Variants in GRIK5 observed in about 807,000 individuals in gnomAD.
The protein encoded by GRIK5 is glutamate receptor ionotropic, kainate 5.
In GRIK5, 43 loss-of-function variants were observed where a neutral mutation model predicts 97.4. The observed-to-expected ratio is 0.44, with a 90% confidence interval of 0.35 to 0.57. The LOEUF (loss-of-function observed/expected upper bound fraction) is 0.57. Among genes scored for constraint, GRIK5 ranks in the 20% least tolerant of loss-of-function variants. The pLI is 0.01. For synonymous variants in GRIK5, 580 were observed against 583.5 expected, an observed-to-expected ratio of 0.99 and a Z score of 0.09; for missense variants, 1,015 against 1,382.0, an observed-to-expected ratio of 0.73 and a Z score of 4.21.
In GRIK5 at chr19:42,008,301, G is replaced by T. The variant is rs1171684596; in HGVS notation, c.1872-1491C>A. Among the ~76,000 whole-genome samples the T allele has an allele frequency of 3.3e-5, 5 of 152,212 alleles. No individual in the cohort carries two copies. In the East Asian group the frequency reaches 9.8e-4, roughly 30 times the overall value. On this transcript the variant is annotated intron_variant, in intron 15 of 19. Coordinates refer to ENST00000593562, the MANE Select transcript of GRIK5 (RefSeq NM_002088.5). Reference sequence around the variant, plus strand: ...CAAGGTGCTGGGATTACAGGCATGAGCCACTGTGCCCGGCCTATTACATAA... The same window carrying T: ...CAAGGTGCTGGGATTACAGGCATGATCCACTGTGCCCGGCCTATTACATAA...
chr19:42,005,798 G>A lies in GRIK5; in HGVS notation c.2188C>T (p.Arg730Trp). The change falls in exon 17 of 20, where the codon CGG (arginine) becomes TGG (tryptophan). Residue 730 changes from arginine to tryptophan, a missense_variant. Arg to Trp is a moderately radical substitution (Grantham distance 101, BLOSUM62 -3). This residue lies in a region of GRIK5 where 229 missense variants were observed against 341.0 expected (regional missense o/e 0.67). Coordinates refer to ENST00000593562, the MANE Select transcript of GRIK5 (RefSeq NM_002088.5). ...LLESTMNEYH[R>W]RLNCNLTQIG... is the part of the protein sequence containing the mutation. ...TGGGTGAGGTTGCAGTTGAGGCGCCGGTGGTATTCGTTCATGGTGGACTCG... is the reference window on the plus strand; with the variant it reads ...TGGGTGAGGTTGCAGTTGAGGCGCCAGTGGTATTCGTTCATGGTGGACTCG... 3 of 1,614,094 alleles carry A rather than the reference G, an allele frequency of 1.9e-6. No homozygotes were observed. Among genetic ancestry groups the A allele is most frequent in the African/African-American group, 1.3e-5 (1 of 75,062 alleles).
chr19:42,029,411 C>T (rs1357641529), intron 12 of GRIK5, among the ~76,000 whole-genome samples: 1 of 151,668 alleles, frequency 6.6e-6, no homozygotes, highest in Non-Finnish European at 1.5e-5. Flanking sequence ...TGTTTGAGAC[C>T]AGCCTAGCCA....
In GRIK5 at chr19:42,009,470, T is replaced by TAA. The variant is rs77770415; in HGVS notation, c.1872-2662_1872-2661dup. ...GTTGGCCAGGCTGAGACCTTATCTT[T>TAA]AAAAAAAAAAAAAAAGGCTGGGCGC... On this transcript the variant is annotated intron_variant, in intron 15 of 19. Transcript: ENST00000593562. Among the ~76,000 whole-genome samples, 1,162 of 131,640 alleles carry TAA rather than the reference T, an allele frequency of 8.8e-3. 18 individuals carry two copies. The highest frequency in any genetic ancestry group is 0.031 in the African/African-American group (1,104 of 35,678). The allele number at this position is 131,640 out of a possible 152,430, so 86.4% of individuals were successfully genotyped here. A position where few individuals can be genotyped will look rare whatever the true frequency, so the allele number is the denominator to read the frequency against.
Position 42,021,232 on chromosome 19 carries a change from C to T in GRIK5, c.1871+69G>A. 1 of 1,306,892 alleles carries T rather than the reference C, an allele frequency of 7.7e-7. No homozygotes were observed. Among genetic ancestry groups the T allele is most frequent in the Admixed American group, 2.1e-5 (1 of 47,962 alleles). The allele number at this position is 1,306,892 out of a possible 1,614,324, so 81.0% of individuals were successfully genotyped here. A position where few individuals can be genotyped will look rare whatever the true frequency, so the allele number is the denominator to read the frequency against. On this transcript the variant is annotated intron_variant, in intron 15 of 19. Coordinates refer to ENST00000593562, the MANE Select transcript of GRIK5 (RefSeq NM_002088.5). The surrounding 1 kb of genome is among the most constrained non-coding windows in gnomAD (Gnocchi z 4.2). ...AAATCTTCCAGGAGATGCCACAGCC[C>T]CAACCCCATCCAGGCCTCAGATGGG...
intron 12 of GRIK5, among the ~76,000 whole-genome samples, chr19:42,041,327 C>T (rs1167499290): frequency 1.3e-5 from 2 of 152,172 alleles, no homozygotes; most frequent in South Asian, 2.1e-4. Context: ...TGGGAGTGTC[C>T]TAATCAGGGG....
rs1568933713 is a variant in GRIK5, at chr19:42,065,122, C to T, written c.244+101G>A. ...AACACAAAGAAGGGGGAGGATGGAG[C>T]TAGAAGAGGACAAGGCCAGGCCAGA... On this transcript the variant is annotated intron_variant, in intron 3 of 19. Coordinates refer to ENST00000593562, the MANE Select transcript of GRIK5 (RefSeq NM_002088.5). This position sits in a 1 kb window ranked among gnomAD's most constrained non-coding sequence, Gnocchi z 5.8. 12 of 994,404 alleles carry T rather than the reference C, an allele frequency of 1.2e-5. No homozygotes were observed. The East Asian group carries it at 2.9e-4, about 24-fold the overall frequency. 61.6% of individuals were successfully genotyped at this position (994,404 alleles called of 1,614,324 possible).
In GRIK5 at chr19:42,024,214, C is replaced by CT. The variant is rs1186656185; in HGVS notation, c.1474-1861dup. Reference sequence around the variant, plus strand: ...GTCTCTCTCACATTCCCCATTGGCCCTTTTTTTTTTTTTTTTGAGATGGAG... The same window carrying CT: ...GTCTCTCTCACATTCCCCATTGGCCCTTTTTTTTTTTTTTTTTGAGATGGAG... On this transcript the variant is annotated intron_variant, in intron 12 of 19. Coordinates refer to ENST00000593562, the MANE Select transcript of GRIK5 (RefSeq NM_002088.5). Among the ~76,000 whole-genome samples, 801 of 141,126 alleles carry CT rather than the reference C, an allele frequency of 5.7e-3. 8 individuals carry two copies. Among genetic ancestry groups the CT allele is most frequent in the African/African-American group, 0.013 (505 of 38,558 alleles). The allele number at this position is 141,126 out of a possible 152,430, so 92.6% of individuals were successfully genotyped here.
intron 1 of GRIK5, chr19:42,068,910 C>A: frequency 1.5e-6 from 1 of 681,306 alleles, no homozygotes. Flanking sequence ...CAGTCTGGGA[C>A]CAGGACGGAG....
chr19:42,025,381 T>C (rs575583580), intron 12 of GRIK5, among the ~76,000 whole-genome samples: 4 of 152,222 alleles, frequency 2.6e-5, no homozygotes, highest in South Asian at 4.1e-4. Context: ...GGTCGCTCCA[T>C]GGCTGGGGGT....
chr19:42,040,206 A>T (rs1038893517), intron 12 of GRIK5, among the ~76,000 whole-genome samples: 2 of 152,156 alleles, frequency 1.3e-5, no homozygotes, highest in Admixed American at 1.3e-4. Context: ...CCAACCACAG[A>T]CACTCTCAGC....
chr19:42,058,268 C>G (rs1253662958), intron 6 of GRIK5, among the ~76,000 whole-genome samples: 1 of 152,020 alleles, frequency 6.6e-6, no homozygotes, highest in Non-Finnish European at 1.5e-5. Flanking sequence ...GCAAGCTCCA[C>G]CTCCCGGGTT....
chr19:42,042,666 C>T lies in GRIK5; in HGVS notation c.1359G>A (p.Glu453=), dbSNP rs2146107925. Reference sequence around the variant, plus strand: ...AGCGGAAGCGCAGCAGCTCGGCCAGCTCCCGCAGCATGTCCACGCAGAAGC... The same window carrying T: ...AGCGGAAGCGCAGCAGCTCGGCCAGTTCCCGCAGCATGTCCACGCAGAAGC... The part of the protein sequence containing the change: ...FEGFCVDMLR[E]LAELLRFRYR... Residue 453 remains glutamate (E), a synonymous_variant, in exon 12 of 20, where the codon GAG becomes GAA. Coordinates refer to ENST00000593562, the MANE Select transcript of GRIK5 (RefSeq NM_002088.5). This position sits in a 1 kb window ranked among gnomAD's most constrained non-coding sequence, Gnocchi z 6.9. The T allele has an allele frequency of 1.2e-6, 2 of 1,613,558 alleles. No homozygotes were observed. The highest frequency in any genetic ancestry group is 2.2e-5 in the East Asian group (1 of 44,886).
At chr19:42,018,857 T>C (rs2075663189) in intron 15 of GRIK5, among the ~76,000 whole-genome samples, 1 of 152,020 alleles carries the variant, frequency 6.6e-6, no homozygotes, top group Non-Finnish European at 1.5e-5. Flanking sequence ...TCGAGGGTGA[T>C]GGCACCAAAT....
At chr19:42,052,915 G>C (rs1205669443) in intron 11 of GRIK5, among the ~76,000 whole-genome samples, 1 of 152,208 alleles carries the variant, frequency 6.6e-6, no homozygotes, top group Non-Finnish European at 1.5e-5. Context: ...ACCCTCAAAA[G>C]GGGGAAATAA....
chr19:42,008,807 C>T (rs912861977), intron 15 of GRIK5, among the ~76,000 whole-genome samples: 4 of 151,894 alleles, frequency 2.6e-5, no homozygotes, highest in Non-Finnish European at 4.4e-5. Flanking sequence ...AAAACATGAA[C>T]GTAATGAAAG....
intron 15 of GRIK5, among the ~76,000 whole-genome samples, chr19:42,019,233 G>A (rs960348543): frequency 3.9e-5 from 6 of 151,958 alleles, no homozygotes; most frequent in East Asian, 1.9e-4. Context: ...TCTCCTAGGC[G>A]CCCTCCCAGC....
At chr19:42,064,176 C>T (rs559979056) in intron 3 of GRIK5, among the ~76,000 whole-genome samples, 2 of 152,294 alleles carry the variant, frequency 1.3e-5, no homozygotes, top group South Asian at 4.1e-4. Context: ...CACTCATCAC[C>T]CAAATCCAGT....
At chr19:42,018,022 A>G (rs1189841750) in intron 15 of GRIK5, among the ~76,000 whole-genome samples, 1 of 151,924 alleles carries the variant, frequency 6.6e-6, no homozygotes, top group Non-Finnish European at 1.5e-5. Flanking sequence ...CCTTAGAAAT[A>G]CTGACTCCCG....
In GRIK5 at chr19:42,061,063, T is replaced by C. The variant is rs143031406; in HGVS notation, c.508+1425A>G. ...CTTTATTTATTTATTTATTTATTTT[T>C]TTGAGACGGAGTCTCGCTCTGTCGC... On this transcript the variant is annotated intron_variant, in intron 5 of 19. Coordinates refer to ENST00000593562, the MANE Select transcript of GRIK5 (RefSeq NM_002088.5). Among the ~76,000 whole-genome samples the C allele has an allele frequency of 1.3e-3, 197 of 152,342 alleles. 1 individual carries two copies. The highest frequency in any genetic ancestry group is 4.5e-3 in the African/African-American group (187 of 41,576).
Sources: gnomAD v4.1 joint callset for allele counts (sites outside exome capture counted in the v4.1 genomes callset) on GRCh38, gnomAD v4.1.1 for gene constraint, gnomAD v4.1.1 regional missense constraint, Gnocchi (gnomAD v3.1) non-coding constraint, MANE v1.5 for transcripts, NCBI Gene and HGNC (gene_info 2026-07-23, HGNC 2026-07-21) for gene names.